UBE2E2: variants seen among roughly 807,000 people sequenced by gnomAD.
UBE2E2 encodes ubiquitin-conjugating enzyme E2 E2.
Under a neutral mutation model 24.7 loss-of-function variants are expected in UBE2E2, and 6 were observed. The observed-to-expected ratio is 0.24, with a 90% CI of 0.13 to 0.48. The LOEUF is 0.48. UBE2E2 is among the 20% of genes least tolerant of loss of function. UBE2E2 has a pLI of 0.99. For missense variants in UBE2E2, 169 were observed against 245.0 expected (o/e 0.69, Z 2.07); for synonymous variants, 104 against 83.6 (o/e 1.24, Z -1.33).
At chr3:23,584,443 A>G (rs765553125) in intron 5 of UBE2E2, among the ~76,000 whole-genome samples, 24 of 151,962 alleles carry the variant, frequency 1.6e-4, no homozygotes, top group Admixed American at 5.2e-4. Context: ...GTGTAGCTCC[A>G]TCCATTAAAG....
At chr3:23,332,672 G>C (rs940219532) in intron 3 of UBE2E2, among the ~76,000 whole-genome samples, 46 of 80,424 alleles carry the variant, frequency 5.7e-4, no homozygotes, top group African/African-American at 2.0e-3. Context: ...GGCAGCCAGT[G>C]GGGTGTGTGT....
chr3:23,351,502 C>T (rs988427658), intron 3 of UBE2E2, among the ~76,000 whole-genome samples: 1 of 152,156 alleles, frequency 6.6e-6, no homozygotes, highest in African/African-American at 2.4e-5. Context: ...CTCATGGGCA[C>T]AGACACACAC....
intron 3 of UBE2E2, among the ~76,000 whole-genome samples, chr3:23,457,938 T>G (rs1054087970): frequency 3.9e-4 from 60 of 152,226 alleles, no homozygotes; most frequent in African/African-American, 1.4e-3. Flanking sequence ...TTCAGACCAC[T>G]AAAACTTTCT....
intron 3 of UBE2E2, among the ~76,000 whole-genome samples, chr3:23,441,071 G>A (rs2125407924): frequency 6.6e-6 from 1 of 152,282 alleles, no homozygotes; most frequent in East Asian, 1.9e-4. Flanking sequence ...CAGTACAAAA[G>A]AGCTGGGGTT....
intron 3 of UBE2E2, among the ~76,000 whole-genome samples, chr3:23,491,143 G>T (rs1196565779): frequency 6.6e-6 from 1 of 152,082 alleles, no homozygotes; most frequent in East Asian, 1.9e-4. Flanking sequence ...TGTTTTGGTA[G>T]ACTTTGGCAG....
At chr3:23,329,299 G>T (rs985939126) in intron 3 of UBE2E2, among the ~76,000 whole-genome samples, 1 of 152,188 alleles carries the variant, frequency 6.6e-6, no homozygotes, top group African/African-American at 2.4e-5. Context: ...AATGTCCACT[G>T]AGTGAACATT....
chr3:23,260,449 A>C (rs990759037), intron 3 of UBE2E2, among the ~76,000 whole-genome samples: 1 of 152,198 alleles, frequency 6.6e-6, no homozygotes, highest in South Asian at 2.1e-4. Context: ...TTATGTGTAA[A>C]AATTCACTTT....
intron 4 of UBE2E2, among the ~76,000 whole-genome samples, chr3:23,508,321 T>C (rs989514950): frequency 7.2e-5 from 11 of 152,254 alleles, no homozygotes; most frequent in African/African-American, 2.4e-4. Flanking sequence ...GATTGGGTTT[T>C]GTTTTCAGGG....
At chr3:23,546,332 A>G (rs1223218906) in intron 5 of UBE2E2, among the ~76,000 whole-genome samples, 2 of 152,132 alleles carry the variant, frequency 1.3e-5, no homozygotes, top group South Asian at 2.1e-4. Flanking sequence ...TAGAGAAACA[A>G]ATATTTCACT....
intron 3 of UBE2E2, among the ~76,000 whole-genome samples, chr3:23,253,944 G>T (rs1240392058): frequency 6.6e-6 from 1 of 152,072 alleles, no homozygotes; most frequent in Non-Finnish European, 1.5e-5. Flanking sequence ...CTCAAATAGG[G>T]TATATTAATT....
chr3:23,580,806 A>G (rs1696459136), intron 5 of UBE2E2, among the ~76,000 whole-genome samples: 1 of 152,240 alleles, frequency 6.6e-6, no homozygotes, highest in Non-Finnish European at 1.5e-5. Context: ...AGAGGAACCA[A>G]CATAAGCAAA....
chr3:23,567,570 GT>G (rs1396140982), intron 5 of UBE2E2, among the ~76,000 whole-genome samples: 1 of 152,168 alleles, frequency 6.6e-6, no homozygotes, highest in Non-Finnish European at 1.5e-5. Flanking sequence ...CAAGACAGCT[GT>G]ATATTAAACC....
At chr3:23,404,272 T>C (rs916737631) in intron 3 of UBE2E2, among the ~76,000 whole-genome samples, 7 of 152,218 alleles carry the variant, frequency 4.6e-5, no homozygotes, top group Admixed American at 2.0e-4. Context: ...TGGCTTTTTA[T>C]ATGACTGCAA....
rs1696324832 is a variant in UBE2E2, at chr3:23,575,394, C to G, written c.509-14340C>G. On this transcript the variant is annotated intron_variant, in intron 5 of 5. Transcript: ENST00000396703. ...ATTTGCCTATTCCGTCTTCCAAAAG[C>G]TAAAGCAAATTTTGACCGAGTACTG... Among the ~76,000 whole-genome samples the G allele has an allele frequency of 2.6e-5, 4 of 152,196 alleles. No individual in the cohort carries two copies. In the South Asian group the frequency reaches 8.3e-4, roughly 32 times the overall value.
At chr3:23,540,694 T>C (rs1695377979) in intron 5 of UBE2E2, among the ~76,000 whole-genome samples, 1 of 152,240 alleles carries the variant, frequency 6.6e-6, no homozygotes, top group African/African-American at 2.4e-5. Context: ...TGAGCCACCG[T>C]GCCTGGCAGA....
At chr3:23,206,390 G>A (rs1696147529) in intron 1 of UBE2E2, among the ~76,000 whole-genome samples, 1 of 152,242 alleles carries the variant, frequency 6.6e-6, no homozygotes, top group South Asian at 2.1e-4. Context: ...AGAGCTAGAT[G>A]TGAAACATAC....
At chr3:23,228,739 A>C (rs754565294) in intron 3 of UBE2E2, among the ~76,000 whole-genome samples, 2 of 152,160 alleles carry the variant, frequency 1.3e-5, no homozygotes, top group African/African-American at 2.4e-5. Flanking sequence ...ACCTAATGAG[A>C]TGCCTTTAAG....
At chr3:23,542,063 A>G (rs960100459) in intron 5 of UBE2E2, among the ~76,000 whole-genome samples, 1 of 152,220 alleles carries the variant, frequency 6.6e-6, no homozygotes, top group African/African-American at 2.4e-5. Flanking sequence ...TTATATTTTT[A>G]TAAGAAAAAC....
intron 3 of UBE2E2, among the ~76,000 whole-genome samples, chr3:23,435,102 T>G (rs1338672489): frequency 6.6e-6 from 1 of 152,228 alleles, no homozygotes; most frequent in Admixed American, 6.5e-5. Flanking sequence ...CCAGATTGCT[T>G]CTTAAATAAA....
Sources: gnomAD v4.1 joint callset for allele counts (sites outside exome capture counted in the v4.1 genomes callset) on GRCh38, gnomAD v4.1.1 for gene constraint, MANE v1.5 for transcripts, NCBI Gene and HGNC (gene_info 2026-07-23, HGNC 2026-07-21) for gene names.